The following PADI3 variants were observed in gnomAD, a reference collection of about 807,000 sequenced individuals.
PADI3 encodes protein-arginine deiminase type-3.
PADI3 carries 53 observed loss-of-function variants against 71.5 expected under a neutral mutation model. That is an observed-to-expected ratio of 0.74 (90% CI 0.59 to 0.93). The LOEUF is 0.93. Among genes scored for constraint, PADI3 ranks in the 40% least tolerant of loss-of-function variants. PADI3 has a pLI of 0.00. For synonymous variants in PADI3, 361 were observed against 347.5 expected, an observed-to-expected ratio of 1.04 and a Z score of -0.43; for missense variants, 821 against 868.0, an observed-to-expected ratio of 0.95 and a Z score of 0.68.
At chr1:17,254,715 GC>G (rs149596816) in intron 1 of PADI3, among the ~76,000 whole-genome samples, 3,120 of 136,982 alleles carry the variant, frequency 0.023, 110 homozygotes, top group African/African-American at 0.078. Flanking sequence ...CCAGGCTCCA[GC>G]ATTTTTTTTT....
At chr1:17,274,236 C>T (rs1442321122) in intron 10 of PADI3, among the ~76,000 whole-genome samples, 3 of 79,820 alleles carry the variant, frequency 3.8e-5, no homozygotes, top group African/African-American at 2.4e-4. Context: ...GCCCAGAGGG[C>T]CATCAGCAGC....
chr1:17,270,156 A>G (rs2073225900), intron 6 of PADI3, 77 bp from the exon 7 acceptor site: 5 of 1,497,264 alleles, frequency 3.3e-6, no homozygotes, highest in Middle Eastern at 4.7e-4. Context: ...GAGGCTGCAG[A>G]CCTCTTCCTG....
chr1:17,259,300 C>T (rs904386413), intron 1 of PADI3, among the ~76,000 whole-genome samples: 8 of 152,256 alleles, frequency 5.3e-5, no homozygotes, highest in Admixed American at 6.5e-5. Context: ...TCAAGTGATC[C>T]GCCCGCCTCG....
At chr1:17,266,875 T>A in intron 5 of PADI3, 39 bp downstream of exon 5, 4 of 1,474,020 alleles carry the variant, frequency 2.7e-6, no homozygotes, top group Non-Finnish European at 3.8e-6. Flanking sequence ...GTGTCCAGGG[T>A]CACTGCTCAG....
At chr1:17,249,598 C>T (rs2072940984) in intron 1 of PADI3, among the ~76,000 whole-genome samples, 1 of 152,092 alleles carries the variant, frequency 6.6e-6, no homozygotes, top group Admixed American at 6.6e-5. Flanking sequence ...TATCCCCAGC[C>T]CCATCCTGAG....
At chr1:17,259,392 C>T (rs2073071719) in intron 1 of PADI3, among the ~76,000 whole-genome samples, 186 bp from the exon 2 acceptor site, 1 of 152,220 alleles carries the variant, frequency 6.6e-6, no homozygotes, top group Non-Finnish European at 1.5e-5. Context: ...AGTCACCACG[C>T]CCGGCCGACT....
chr1:17,251,199 C>G (rs2072961941), intron 1 of PADI3, among the ~76,000 whole-genome samples: 1 of 152,304 alleles, frequency 6.6e-6, no homozygotes, highest in Admixed American at 6.5e-5. Flanking sequence ...CTCTGAGAAG[C>G]CAGCAGAGGC....
At chr1:17,254,140 A>G (rs1390318810) in intron 1 of PADI3, among the ~76,000 whole-genome samples, 1 of 152,230 alleles carries the variant, frequency 6.6e-6, no homozygotes, top group Non-Finnish European at 1.5e-5. Flanking sequence ...AGGGCCACCC[A>G]GATTACAGTG....
Position 17,262,218 on chromosome 1 carries a change from C to T in PADI3, c.346+13C>T, listed in dbSNP as rs2100569569. ...CTCACCTGTGTTGGTAAGTTGGGGG[C>T]CATGTTGATGGTGTGGCCAAGGGCA... On this transcript the variant is annotated intron_variant, in intron 3 of 15. Coordinates refer to ENST00000375460, the MANE Select transcript of PADI3 (RefSeq NM_016233.2). 1.3e-6 allele frequency: 2 copies of T among 1,595,070 alleles called. No individual in the cohort carries two copies. The highest frequency in any genetic ancestry group is 2.3e-5 in the East Asian group (1 of 44,286).
chr1:17,271,011 C>G (rs755678365), intron 8 of PADI3, 29 bp downstream of exon 8: 22 of 1,612,562 alleles, frequency 1.4e-5, no homozygotes, highest in East Asian at 2.2e-5. Context: ...GGTGGTCCCT[C>G]TGGCCCCCAG....
At chr1:17,270,442 C>T in intron 7 of PADI3, 31 bp downstream of exon 7, 3 of 1,584,754 alleles carry the variant, frequency 1.9e-6, no homozygotes, top group South Asian at 1.1e-5. Context: ...AGAGGAGCTC[C>T]ACTCGGGACC....
rs1432516709 is a variant in PADI3, at chr1:17,282,877, G to A, written c.1793G>A (p.Gly598Asp). Reference protein sequence around the residue: ...VNMLVLGKHLGIPKPFGPIIN... With the variant: ...VNMLVLGKHLDIPKPFGPIIN... ...ATGCTGGTGCTGGGGAAGCACCTGG[G>A]CATCCCCAAGCCCTTTGGGCCCATC... The change falls in exon 16 of 16, where the codon GGC becomes GAC. Residue 598 changes from glycine (G) to aspartate (D), a missense_variant. Physicochemically the swap from Gly to Asp is moderately conservative, Grantham distance 94. Coordinates refer to ENST00000375460, the MANE Select transcript of PADI3 (RefSeq NM_016233.2). The A allele has an allele frequency of 6.2e-7, 1 of 1,613,474 alleles. No homozygotes were observed. Among genetic ancestry groups the A allele is most frequent in the Admixed American group, 1.7e-5 (1 of 59,912 alleles).
In PADI3 at chr1:17,273,432, T is replaced by A. The variant is rs540400474; in HGVS notation, c.1140T>A (p.Pro380=). Reference sequence around the variant, plus strand: ...GGAATGGGGAACTGCAGGATTTCCCTTACAAAAGAATCCTGGTGAGTGGTC... The same window carrying A: ...GGAATGGGGAACTGCAGGATTTCCCATACAAAAGAATCCTGGTGAGTGGTC... The part of the protein sequence containing the change: ...SPRNGELQDF[P]YKRILGPDFG... The change falls in exon 10 of 16, where the codon CCT becomes CCA. Residue 380 remains proline, a synonymous_variant. Coordinates refer to ENST00000375460, the MANE Select transcript of PADI3 (RefSeq NM_016233.2). 1 of 1,612,280 alleles carries A rather than the reference T, an allele frequency of 6.2e-7. No homozygotes were observed. The highest frequency in any genetic ancestry group is 1.3e-5 in the African/African-American group (1 of 74,976).
At chr1:17,252,744 A>T (rs1463140593) in intron 1 of PADI3, among the ~76,000 whole-genome samples, 1 of 152,084 alleles carries the variant, frequency 6.6e-6, no homozygotes, top group Non-Finnish European at 1.5e-5. Flanking sequence ...TCCCAGGATG[A>T]CCTCTGGTGG....
chr1:17,281,090 G>C (rs1344977513), intron 15 of PADI3, among the ~76,000 whole-genome samples: 2 of 152,264 alleles, frequency 1.3e-5, no homozygotes, highest in Admixed American at 6.5e-5. Context: ...CAAAGCACAT[G>C]GCATCAGCTG....
In PADI3 at chr1:17,273,380, C is replaced by A; in HGVS notation, c.1088C>A (p.Thr363Asn). 1 of 1,613,816 alleles carries A rather than the reference C, an allele frequency of 6.2e-7. No individual in the cohort carries two copies. Among genetic ancestry groups the A allele is most frequent in the Admixed American group, 1.7e-5 (1 of 59,994 alleles). Reference sequence around the variant, plus strand: ...GGCTACGTTCAGGCGCCGCACAAGACCCTCCCGGTGGTCTTTGACTCCCCA... The same window carrying A: ...GGCTACGTTCAGGCGCCGCACAAGAACCTCCCGGTGGTCTTTGACTCCCCA... Reference protein sequence around the residue: ...ELGYVQAPHKTLPVVFDSPRN... With the variant: ...ELGYVQAPHKNLPVVFDSPRN... Residue 363 changes from threonine (T) to asparagine (N), a missense_variant, in exon 10 of 16, where the codon ACC becomes AAC. By Grantham distance (65) the Thr-to-Asn change is moderately conservative (BLOSUM62 0). Transcript: ENST00000375460.
chr1:17,259,537 T>C (rs754545693), intron 1 of PADI3, 41 bp from the exon 2 acceptor site: 1 of 1,521,196 alleles, frequency 6.6e-7, no homozygotes, highest in South Asian at 1.3e-5. Context: ...GAGCAAAATA[T>C]ATCTCCTTCG....
At position 17,270,521 on chromosome 1, in the gene PADI3, A is replaced by G. The variant is rs561561812; in HGVS notation, c.831+110A>G. On this transcript the variant is annotated intron_variant, in intron 7 of 15. Transcript: ENST00000375460. The stretch of plus-strand genomic sequence containing the variant: ...AAAATAGCGAGGTATAGTGGTGTAC[A>G]CCTATAGTCCCAGTTACTTGGGAGG... 1.2e-5 allele frequency: 12 copies of G among 1,026,698 alleles called. No homozygotes were observed. In the South Asian group the frequency reaches 1.7e-4, roughly 14 times the overall value. The allele number at this position is 1,026,698 out of a possible 1,614,324, so 63.6% of individuals were successfully genotyped here.
chr1:17,265,351 A>T (rs754869020), intron 3 of PADI3, among the ~76,000 whole-genome samples: 7 of 151,312 alleles, frequency 4.6e-5, no homozygotes, highest in Non-Finnish European at 1.0e-4. Flanking sequence ...ATAGACAAGA[A>T]TGTTCCTGGA....
Sources: gnomAD v4.1 joint callset for allele counts (sites outside exome capture counted in the v4.1 genomes callset) on GRCh38, gnomAD v4.1.1 for gene constraint, MANE v1.5 for transcripts, NCBI Gene and HGNC (gene_info 2026-07-23, HGNC 2026-07-21) for gene names.